The following GCC2 variants were observed in gnomAD, a reference collection of about 807,000 sequenced individuals.
GCC2 encodes GRIP and coiled-coil domain-containing protein 2.
GCC2 carries 120 observed loss-of-function variants against 210.6 expected under a neutral mutation model. That is an observed-to-expected ratio of 0.57 (90% confidence interval 0.49 to 0.66). The LOEUF is 0.66. Among genes scored for constraint, GCC2 ranks in the 30% least tolerant of loss-of-function variants. The pLI is 0.00. For missense variants in GCC2, 1,868 were observed against 1,871.9 expected, an observed-to-expected ratio of 1.00 and a Z score of 0.04; for synonymous variants, 703 against 652.7, an observed-to-expected ratio of 1.08 and a Z score of -1.17.
chr2:108,483,124 A>G lies in GCC2; in HGVS notation c.3408A>G (p.Lys1136=). ...AGGTACAACTTCAAAAGCAAAAGAA[A>G]CAGCTTCAGAAAACCATGCAAGAAT... is the stretch of plus-strand genomic sequence containing the variant. ...ELQVQLQKQK[K]QLQKTMQELE... The change falls in exon 12 of 23, where the codon AAA becomes AAG. Residue 1136 remains lysine, a synonymous_variant. Transcript: ENST00000309863. 6.3e-7 allele frequency: 1 copy of G among 1,579,798 alleles called. No homozygotes were observed. The highest frequency in any genetic ancestry group is 8.7e-7 in the Non-Finnish European group (1 of 1,149,088).
intron 9 of GCC2, among the ~76,000 whole-genome samples, chr2:108,481,052 G>A (rs570864413): frequency 7.9e-5 from 12 of 152,308 alleles, no homozygotes; most frequent in South Asian, 2.1e-4. Flanking sequence ...ATGCAGTCTC[G>A]AAACTGAATC....
At chr2:108,503,530 A>G (rs1474537534) in intron 22 of GCC2, among the ~76,000 whole-genome samples, 1 of 152,204 alleles carries the variant, frequency 6.6e-6, no homozygotes, top group Non-Finnish European at 1.5e-5. Flanking sequence ...CTGACTGGTC[A>G]CACTAGGGGC....
intron 4 of GCC2, among the ~76,000 whole-genome samples, chr2:108,460,095 C>T (rs1680486420): frequency 6.6e-6 from 1 of 152,102 alleles, no homozygotes; most frequent in East Asian, 1.9e-4. Flanking sequence ...AGGTGATCCA[C>T]CCATCTCAGC....
At position 108,475,559 on chromosome 2, in the gene GCC2, A is replaced by T; in HGVS notation, c.2885A>T (p.Glu962Val). ...GAAAATCTGGAAAAAGAATGCAAAG[A>T]AAAGGAGGAGAAAATAAATAAGATA... The part of the protein sequence containing the change: ...KIENLEKECK[E>V]KEEKINKIKL... Residue 962 changes from glutamate to valine, a missense_variant, in exon 8 of 23, where the codon GAA (glutamate) becomes GTA (valine). This residue lies in a region of GCC2 where 1,847 missense variants were observed against 1,765.2 expected (regional missense o/e 1.05). Transcript: ENST00000309863. 6.7e-7 allele frequency: 1 copy of T among 1,497,510 alleles called. No homozygotes were observed. Among genetic ancestry groups the T allele is most frequent in the Non-Finnish European group, 9.0e-7 (1 of 1,111,816 alleles). The allele number at this position is 1,497,510 out of a possible 1,614,324, so 92.8% of individuals were successfully genotyped here.
At chr2:108,502,829 A>C (rs934131032) in intron 22 of GCC2, among the ~76,000 whole-genome samples, 2 of 151,472 alleles carry the variant, frequency 1.3e-5, no homozygotes, top group African/African-American at 4.9e-5. Flanking sequence ...AGGCTGAGGT[A>C]GGAGAATCGC....
At chr2:108,479,995 A>AC (rs1396045764) in intron 9 of GCC2, among the ~76,000 whole-genome samples, 2 of 64,804 alleles carry the variant, frequency 3.1e-5, no homozygotes, top group Admixed American at 4.9e-4. Context: ...AAAAAAAAAA[A>AC]AAAAAAAAAA....
chr2:108,487,691 T>C lies in GCC2; in HGVS notation c.3931-8T>C, dbSNP rs370889334. 6.3e-7 allele frequency: 1 copy of C among 1,598,802 alleles called. No individual in the cohort carries two copies. Among genetic ancestry groups the C allele is most frequent in the Non-Finnish European group, 8.5e-7 (1 of 1,174,994 alleles). On this transcript the variant is annotated splice_polypyrimidine_tract_variant and splice_region_variant and intron_variant, in intron 16 of 22. Transcript: ENST00000309863. ...TAGAAAAACGTTTCTCTCTTTTAAA[T>C]GTTATAGGCAGAACAAGCTACTGTA...
At position 108,472,954 on chromosome 2, in the gene GCC2, G is replaced by A. The variant is rs144471752; in HGVS notation, c.2860+55G>A. 61 of 973,286 alleles carry A rather than the reference G, an allele frequency of 6.3e-5. No homozygotes were observed. In the African/African-American group the frequency reaches 8.9e-4, roughly 14 times the overall value. 60.3% of individuals were successfully genotyped at this position (973,286 alleles called of 1,614,324 possible). Reference sequence around the variant, plus strand: ...ATTAATTAGACAGATTCTTCTTAGTGTTAGAATAGATTGGGAAATATAGTA... The same window carrying A: ...ATTAATTAGACAGATTCTTCTTAGTATTAGAATAGATTGGGAAATATAGTA... On this transcript the variant is annotated intron_variant, in intron 7 of 22. Transcript: ENST00000309863.
chr2:108,484,048 T>G, intron 12 of GCC2, 101 bp from the exon 13 acceptor site: 1 of 611,834 alleles, frequency 1.6e-6, no homozygotes, highest in Non-Finnish European at 2.8e-6. Flanking sequence ...AGCACCCATT[T>G]ATTGCTGTGG....
intron 9 of GCC2, among the ~76,000 whole-genome samples, chr2:108,480,428 G>A (rs1045243277): frequency 6.6e-6 from 1 of 152,136 alleles, no homozygotes; most frequent in Non-Finnish European, 1.5e-5. Context: ...GTGAGTCATT[G>A]TGTCATAAAG....
chr2:108,466,572 A>T (rs901026606), intron 4 of GCC2, among the ~76,000 whole-genome samples: 1 of 151,858 alleles, frequency 6.6e-6, no homozygotes, highest in Non-Finnish European at 1.5e-5. Context: ...TCCCGGGTTC[A>T]TGCCATTCTT....
In GCC2 at chr2:108,470,163, G is replaced by A; in HGVS notation, c.834G>A (p.Glu278=). 6.2e-7 allele frequency: 1 copy of A among 1,613,602 alleles called. No individual in the cohort carries two copies. Among genetic ancestry groups the A allele is most frequent in the East Asian group, 2.2e-5 (1 of 44,838 alleles). ...TAAATAAGTTGAACGAGCTAAAAGA[G>A]AACTTAGTAAAACAATGTGAGGCAA... ...AEINKLNELK[E]NLVKQCEASE... The change falls in exon 6 of 23, where the codon GAG becomes GAA. Residue 278 remains glutamate, a synonymous_variant. Transcript: ENST00000309863.
intron 4 of GCC2, among the ~76,000 whole-genome samples, chr2:108,458,044 G>A (rs1207817919): frequency 6.6e-6 from 1 of 152,172 alleles, no homozygotes; most frequent in East Asian, 1.9e-4. Context: ...TTTGTGTGAT[G>A]TTAATGTGAG....
intron 4 of GCC2, among the ~76,000 whole-genome samples, chr2:108,466,559 A>G (rs532413389): frequency 3.2e-4 from 48 of 151,752 alleles, no homozygotes; most frequent in African/African-American, 1.1e-3. Context: ...TGCAAGCTCC[A>G]TCTCCCGGGT....
At position 108,507,851 on chromosome 2, in the gene GCC2, T is replaced by C. The variant is rs1016981690; in HGVS notation, c.*221T>C. On this transcript the variant is annotated 3_prime_UTR_variant, in exon 23 of 23. Coordinates refer to ENST00000309863, the MANE Select transcript of GCC2 (RefSeq NM_181453.4). ...GGCCACAGCCCTCTAACTCATGTGATTTCCCATGCATGCTGCCAGAATAAA... is the reference window on the plus strand; with the variant it reads ...GGCCACAGCCCTCTAACTCATGTGACTTCCCATGCATGCTGCCAGAATAAA... 4 of 404,668 alleles carry C rather than the reference T, an allele frequency of 9.9e-6. No individual in the cohort carries two copies. The highest frequency in any genetic ancestry group is 1.9e-5 in the Non-Finnish European group (4 of 215,660). The allele number at this position is 404,668 out of a possible 1,614,324, so 25.1% of individuals were successfully genotyped here. A position where few individuals can be genotyped will look rare whatever the true frequency, so the allele number is the denominator to read the frequency against.
rs187702527 is a variant in GCC2, at chr2:108,481,404, C to T, written c.3061-293C>T. On this transcript the variant is annotated intron_variant, in intron 9 of 22. Transcript: ENST00000309863. ...TGTATCTATCCTTAAATTGTGTTTA[C>T]ACTTCAGAAGTTCATTTTTGTTAAT... Among the ~76,000 whole-genome samples the T allele has an allele frequency of 1.9e-4, 29 of 152,298 alleles. 2 individuals carry two copies. The highest frequency in any genetic ancestry group is 1.6e-3 in the Admixed American group (25 of 15,292).
At chr2:108,493,603 T>A (rs1434680848) in intron 19 of GCC2, 14 of 985,332 alleles carry the variant, frequency 1.4e-5, no homozygotes, top group African/African-American at 1.7e-5. Context: ...ACACCCAGTA[T>A]CTTCCATTCT....
Position 108,461,830 on chromosome 2 carries a change from CTTTTTCTTT to C in GCC2, c.217-7144_217-7136del, listed in dbSNP as rs754325620. On this transcript the variant is annotated intron_variant, in intron 4 of 22. Transcript: ENST00000309863. Reference sequence around the variant, plus strand: ...CTAAATAGGTTTTCTTTTTTTTTTTCTTTTTCTTTTTTTTTTTTTTTGAGACAGAGTCTC... The same window carrying C: ...CTAAATAGGTTTTCTTTTTTTTTTTCTTTTTTTTTTTTGAGACAGAGTCTC... Among the ~76,000 whole-genome samples the C allele has an allele frequency of 1.3e-3, 167 of 124,124 alleles. 4 individuals carry two copies. In the East Asian group the frequency reaches 0.034, roughly 25 times the overall value. The allele number at this position is 124,124 out of a possible 152,430, so 81.4% of individuals were successfully genotyped here.
At chr2:108,465,540 A>G (rs554288123) in intron 4 of GCC2, among the ~76,000 whole-genome samples, 25 of 152,250 alleles carry the variant, frequency 1.6e-4, no homozygotes, top group African/African-American at 6.0e-4. Flanking sequence ...CATCCATTAT[A>G]TCACTCTGTA....
Sources: allele counts gnomAD v4.1 joint callset (sites outside exome capture counted in the v4.1 genomes callset), GRCh38; gene constraint gnomAD v4.1.1; regional missense constraint gnomAD v4.1.1; transcripts MANE v1.5; gene names NCBI Gene and HGNC (gene_info 2026-07-23, HGNC 2026-07-21).